Variants in PJA2 observed in about 807,000 individuals in gnomAD.
PJA2 encodes E3 ubiquitin-protein ligase Praja-2.
PJA2 carries 25 observed loss-of-function variants against 69.3 expected under a neutral mutation model. The observed-to-expected ratio is 0.36, with a 90% CI of 0.26 to 0.50. PJA2 has a LOEUF of 0.50. PJA2 is among the 20% of genes least tolerant of loss of function. The pLI is 0.96. For missense variants in PJA2, 809 were observed against 830.2 expected, an observed-to-expected ratio of 0.97 and a Z score of 0.31; for synonymous variants, 308 against 277.8, an observed-to-expected ratio of 1.11 and a Z score of -1.08.
chr5:109,393,965 A>T (rs950184860), intron 1 of PJA2, among the ~76,000 whole-genome samples: 2 of 151,474 alleles, frequency 1.3e-5, no homozygotes, highest in South Asian at 4.2e-4. Context: ...TCTGGAGAGG[A>T]GGATGACAAA....
At chr5:109,399,475 G>C (rs1420940994) in intron 1 of PJA2, among the ~76,000 whole-genome samples, 1 of 152,178 alleles carries the variant, frequency 6.6e-6, no homozygotes, top group Non-Finnish European at 1.5e-5. Flanking sequence ...TGACAGTGAA[G>C]TAGGAACACT....
chr5:109,367,947 C>A (rs1209393777), intron 5 of PJA2, among the ~76,000 whole-genome samples: 1 of 151,886 alleles, frequency 6.6e-6, no homozygotes, highest in Non-Finnish European at 1.5e-5. Flanking sequence ...TATACCCATT[C>A]ATTTACATCT....
intron 7 of PJA2, among the ~76,000 whole-genome samples, chr5:109,353,438 A>C (rs1433398508): frequency 4.9e-5 from 2 of 40,800 alleles, no homozygotes; most frequent in Non-Finnish European, 1.7e-4. Flanking sequence ...AGATACCTAT[A>C]TATAGATATC....
intron 1 of PJA2, among the ~76,000 whole-genome samples, chr5:109,391,697 C>T (rs1747285455): frequency 6.6e-6 from 1 of 151,626 alleles, no homozygotes; most frequent in African/African-American, 2.4e-5. Context: ...TCACAGATAA[C>T]ATGATTATAT....
At chr5:109,372,833 A>T (rs766132738) in intron 4 of PJA2, among the ~76,000 whole-genome samples, 6 of 137,524 alleles carry the variant, frequency 4.4e-5, no homozygotes, top group Non-Finnish European at 9.1e-5. Flanking sequence ...TGAACCTGGG[A>T]GGTGGAGGTT....
At chr5:109,360,222 A>G (rs1762484698) in intron 6 of PJA2, among the ~76,000 whole-genome samples, 1 of 152,200 alleles carries the variant, frequency 6.6e-6, no homozygotes, top group Admixed American at 6.5e-5. Context: ...AAGACAGAGG[A>G]GTTAAGGAGT....
At chr5:109,406,099 A>G (rs1012337455) in intron 1 of PJA2, among the ~76,000 whole-genome samples, 1 of 141,924 alleles carries the variant, frequency 7.0e-6, no homozygotes, top group Non-Finnish European at 1.5e-5. Context: ...GCTGGAGTGC[A>G]GTGGCACGAT....
In PJA2 at chr5:109,356,029, GAAAA is replaced by G; in HGVS notation, c.1653-7_1653-4del. 1.2e-5 allele frequency: 16 copies of G among 1,386,454 alleles called. No homozygotes were observed. The highest frequency in any genetic ancestry group is 1.6e-5 in the Non-Finnish European group (16 of 1,014,262). 85.9% of individuals were successfully genotyped at this position (1,386,454 alleles called of 1,614,324 possible). On this transcript the variant is annotated splice_region_variant and splice_polypyrimidine_tract_variant and intron_variant, in intron 6 of 9. Coordinates refer to ENST00000361189, the MANE Select transcript of PJA2 (RefSeq NM_014819.5). ...CATCTGCAAAGCCATCAAATAGGCT[GAAAA>G]AAAAAAAAAATAACAGAAAAAACTC...
At chr5:109,354,164 AGAGATG>A (rs1762349945) in intron 7 of PJA2, among the ~76,000 whole-genome samples, 2 of 137,288 alleles carry the variant, frequency 1.5e-5, no homozygotes, top group Admixed American at 1.5e-4. Flanking sequence ...TATGATATCT[AGAGATG>A]TCTATAGATT....
chr5:109,388,190 T>C (rs1168475763), intron 1 of PJA2, among the ~76,000 whole-genome samples: 1 of 151,986 alleles, frequency 6.6e-6, no homozygotes, highest in Non-Finnish European at 1.5e-5. Context: ...CACATCATGA[T>C]ATCACTCAAG....
At chr5:109,390,723 T>C (rs564362348) in intron 1 of PJA2, 1 of 152,230 alleles carries the variant, frequency 6.6e-6, no homozygotes, top group Admixed American at 6.5e-5. Flanking sequence ...GCTTTTTTGA[T>C]ACATCCTTTA....
intron 1 of PJA2, among the ~76,000 whole-genome samples, chr5:109,404,913 T>G: frequency 6.6e-6 from 1 of 152,222 alleles, no homozygotes; most frequent in East Asian, 1.9e-4. Flanking sequence ...CTTTCACCAC[T>G]GCTATTCAAC....
At chr5:109,389,364 C>T (rs1747232751) in intron 1 of PJA2, among the ~76,000 whole-genome samples, 1 of 152,040 alleles carries the variant, frequency 6.6e-6, no homozygotes, top group Non-Finnish European at 1.5e-5. Flanking sequence ...CTTTATATGT[C>T]AGCTGACTAA....
intron 7 of PJA2, among the ~76,000 whole-genome samples, chr5:109,348,949 T>C (rs1380707901): frequency 1.3e-5 from 2 of 152,160 alleles, no homozygotes; most frequent in Non-Finnish European, 2.9e-5. Context: ...AATATGCCAG[T>C]TGTTGGAAGT....
At chr5:109,346,505 T>C (rs574132952) in intron 7 of PJA2, among the ~76,000 whole-genome samples, 1 of 152,198 alleles carries the variant, frequency 6.6e-6, no homozygotes, top group Non-Finnish European at 1.5e-5. Context: ...TGGAAGCAAA[T>C]CAACTGTTCA....
chr5:109,342,351 C>A (rs1762084453), intron 9 of PJA2, among the ~76,000 whole-genome samples: 1 of 120,284 alleles, frequency 8.3e-6, no homozygotes, highest in African/African-American at 3.3e-5. Flanking sequence ...CCCGCCCGGC[C>A]AGCCGCCCCG....
At chr5:109,380,862 A>G (rs942154202) in intron 3 of PJA2, among the ~76,000 whole-genome samples, 3 of 151,310 alleles carry the variant, frequency 2.0e-5, no homozygotes, top group African/African-American at 7.3e-5. Flanking sequence ...TAATCCCAGC[A>G]CTTTGGGAAG....
chr5:109,353,018 CTATAGATATCTATATATTAGAT>C (rs1762287810), intron 7 of PJA2, among the ~76,000 whole-genome samples: 1 of 32,674 alleles, frequency 3.1e-5, no homozygotes, highest in Admixed American at 3.0e-4. Flanking sequence ...ATACCTATAT[CTATAGATATCTATATATTAGAT>C]ACCTATATCA....
chr5:109,395,927 G>C (rs146078831), intron 1 of PJA2, among the ~76,000 whole-genome samples: 100 of 151,238 alleles, frequency 6.6e-4, no homozygotes, highest in African/African-American at 2.3e-3. Flanking sequence ...TTGAACCCGG[G>C]AGGCAGAGAT....
Sources: gnomAD v4.1 joint callset for allele counts (sites outside exome capture counted in the v4.1 genomes callset) on GRCh38, gnomAD v4.1.1 for gene constraint, MANE v1.5 for transcripts, NCBI Gene and HGNC (gene_info 2026-07-23, HGNC 2026-07-21) for gene names.